Variants in SOD2 observed in about 807,000 individuals in gnomAD.
SOD2 encodes the protein superoxide dismutase 2, also known as superoxide dismutase [Mn], mitochondrial.
Under a neutral mutation model 27.0 loss-of-function variants are expected in SOD2, and 11 were observed. The observed-to-expected ratio is 0.41, with a 90% confidence interval of 0.26 to 0.67. The LOEUF is 0.67. SOD2 is among the 30% of genes least tolerant of loss of function. The pLI is 0.34. For missense variants in SOD2, 250 were observed against 274.5 expected (o/e 0.91, Z 0.63); for synonymous variants, 105 against 103.0 (o/e 1.02, Z -0.12).
chr6:159,749,989 C>T (rs540726796), upstream of SOD2, among the ~76,000 whole-genome samples: 1 of 152,274 alleles, frequency 6.6e-6, no homozygotes, highest in South Asian at 2.1e-4. Flanking sequence ...CTTAAGTTCT[C>T]TCTTAATCAT....
At chr6:159,748,640 T>C (rs896216496), upstream of SOD2, 36 of 1,287,120 alleles carry the variant, frequency 2.8e-5, no homozygotes, top group African/African-American at 4.5e-4. The surrounding 1 kb of genome is among the most constrained non-coding windows in gnomAD (Gnocchi z 5.6). Flanking sequence ...TCCGAAAAAT[T>C]CCCCTTCTAG....
At chr6:159,736,338 T>C in intron 1 of SOD2, 1 of 1,482,962 alleles carries the variant, frequency 6.7e-7, no homozygotes, top group Non-Finnish European at 9.3e-7. Context: ...GTTTTGGGTT[T>C]TTTGGGGGCT....
intron 1 of SOD2, chr6:159,755,540 C>A (rs1489247488): frequency 1.2e-6 from 2 of 1,613,976 alleles, no homozygotes; most frequent in African/African-American, 1.3e-5. Context: ...GAAAGGTAAT[C>A]GAACTGTGGG....
chr6:159,725,187 A>C (rs1026077622), intron 1 of SOD2, among the ~76,000 whole-genome samples: 2 of 152,152 alleles, frequency 1.3e-5, no homozygotes, highest in Non-Finnish European at 2.9e-5. Flanking sequence ...TGTGTTCAAA[A>C]GCTCAGAGGG....
rs1273087237 is a variant in SOD2 at position 159,673,069 on chromosome 6, C to G, written c.*9424G>C. 6.6e-6 allele frequency: 1 copy of G among 152,136 alleles called. No homozygotes were observed. The highest frequency in any genetic ancestry group is 1.9e-4 in the East Asian group (1 of 5,198). The allele number at this position is 152,136 out of a possible 1,614,324, so 9.4% of individuals were successfully genotyped here. ...GCTAACTATCTTAAATATATATGCACCCAATACAGGAGCACCCAGATTCAT... is the reference window on the plus strand; with the variant it reads ...GCTAACTATCTTAAATATATATGCAGCCAATACAGGAGCACCCAGATTCAT... On this transcript the variant is annotated 3_prime_UTR_variant, in exon 5 of 5. Transcript: ENST00000538183.
intron 1 of SOD2, among the ~76,000 whole-genome samples, chr6:159,717,239 T>G (rs1777937350): frequency 6.6e-6 from 1 of 152,020 alleles, no homozygotes. Flanking sequence ...CACCAAGGAG[T>G]TCAGAATGTT....
intron 1 of SOD2, chr6:159,756,273 C>T (rs1780009897): frequency 6.6e-6 from 1 of 152,588 alleles, no homozygotes; most frequent in Non-Finnish European, 1.5e-5. Context: ...GTATATCTTA[C>T]CTGTACTGAC....
chr6:159,733,739 C>A (rs1778732464), intron 1 of SOD2, among the ~76,000 whole-genome samples: 1 of 151,866 alleles, frequency 6.6e-6, no homozygotes, highest in Non-Finnish European at 1.5e-5. Context: ...CATGGAGAAA[C>A]CCCGTCTCTA....
rs1224274053 is a variant in SOD2, at chr6:159,678,301, T to G, written c.*4192A>C. On this transcript the variant is annotated 3_prime_UTR_variant, in exon 5 of 5. Transcript: ENST00000538183. ...CAGCACTTTGGGAGGCTGAGGTGGG[T>G]GGATGACTTGAGGTCAGGAGTTTGA... The G allele has an allele frequency of 6.6e-6, 1 of 152,084 alleles. No individual in the cohort carries two copies. The highest frequency in any genetic ancestry group is 2.4e-5 in the African/African-American group (1 of 41,388). 9.4% of individuals were successfully genotyped at this position (152,084 alleles called of 1,614,324 possible).
intron 3 of SOD2, among the ~76,000 whole-genome samples, chr6:159,687,428 T>A (rs888397730): frequency 2.0e-5 from 3 of 151,750 alleles, no homozygotes; most frequent in Non-Finnish European, 4.4e-5. Flanking sequence ...GAGGTTGCAA[T>A]GAGCCGACAT....
intron 1 of SOD2, among the ~76,000 whole-genome samples, chr6:159,706,073 A>AT (rs1731946959): frequency 6.6e-6 from 1 of 151,932 alleles, no homozygotes; most frequent in South Asian, 2.1e-4. Flanking sequence ...ATGCTGAGAG[A>AT]TTTTGTCACC....
At chr6:159,732,028 G>T (rs533410637), upstream of SOD2, among the ~76,000 whole-genome samples, 28 of 152,246 alleles carry the variant, frequency 1.8e-4, no homozygotes, top group African/African-American at 6.0e-4. Flanking sequence ...ACCACATACC[G>T]ATGATCCTTG....
upstream of SOD2, among the ~76,000 whole-genome samples, chr6:159,746,627 G>A (rs527614994): frequency 7.9e-5 from 12 of 152,240 alleles, no homozygotes; most frequent in Non-Finnish European, 1.5e-4. Context: ...AATTAGCCAC[G>A]TAGTTACTAT....
At chr6:159,693,086 C>T (rs1262627821) in intron 1 of SOD2, 59 bp downstream of exon 1, 1 of 1,512,864 alleles carries the variant, frequency 6.6e-7, no homozygotes, top group Non-Finnish European at 8.8e-7. Context: ...CCGCGGAGGC[C>T]CTGCCCGCCG....
chr6:159,684,067 C>T (rs1053437051), intron 4 of SOD2, among the ~76,000 whole-genome samples: 3 of 152,150 alleles, frequency 2.0e-5, no homozygotes, highest in Non-Finnish European at 4.4e-5. Context: ...GTGAGCCCAG[C>T]CTGGCACTTC....
At chr6:159,728,440 A>G (rs957228593), upstream of SOD2, among the ~76,000 whole-genome samples, 2 of 149,112 alleles carry the variant, frequency 1.3e-5, no homozygotes, top group African/African-American at 4.9e-5. Context: ...CAAAAAAACT[A>G]TTATTTAGTC....
At chr6:159,728,958 G>T (rs1041545333), upstream of SOD2, among the ~76,000 whole-genome samples, 6 of 152,312 alleles carry the variant, frequency 3.9e-5, no homozygotes, top group Admixed American at 2.6e-4. Context: ...TGTGTCCCAG[G>T]CACTGCTTAT....
At chr6:159,710,949 C>T (rs1404831684) in intron 1 of SOD2, among the ~76,000 whole-genome samples, 1 of 131,024 alleles carries the variant, frequency 7.6e-6, no homozygotes, top group South Asian at 2.6e-4. Context: ...AACCACCACT[C>T]ACACTGCTCT....
intron 1 of SOD2, among the ~76,000 whole-genome samples, chr6:159,700,533 A>T (rs1777505729): frequency 6.6e-6 from 1 of 151,940 alleles, no homozygotes. Context: ...AGGCGCCTGT[A>T]GTCCCAGCTA....
Sources: gnomAD v4.1 joint callset for allele counts (sites outside exome capture counted in the v4.1 genomes callset) on GRCh38, gnomAD v4.1.1 for gene constraint, Gnocchi (gnomAD v3.1) non-coding constraint, MANE v1.5 for transcripts, NCBI Gene and HGNC (gene_info 2026-07-23, HGNC 2026-07-21) for gene names.